Variants in EDA observed in about 807,000 individuals in gnomAD.
The protein encoded by EDA is ectodysplasin-A.
Under a neutral mutation model 23.6 loss-of-function variants are expected in EDA, and 2 were observed. That is an observed-to-expected ratio of 0.08 (90% confidence interval 0.03 to 0.27). The LOEUF is 0.27. Ranked by LOEUF, EDA falls within the 10% of genes least tolerant of loss-of-function variation. The pLI is 1.00. For missense variants in EDA, 229 were observed against 324.2 expected (o/e 0.71, Z 2.26); for synonymous variants, 131 against 132.0 (o/e 0.99, Z 0.05).
chrX:69,981,744 G>C (rs2019411129), intron 2 of EDA, among the ~76,000 whole-genome samples: 1 of 112,174 alleles, frequency 8.9e-6, no homozygotes, highest in Non-Finnish European at 1.9e-5. Flanking sequence ...ATCCTGTGAA[G>C]TTAGTATTAT....
intron 2 of EDA, among the ~76,000 whole-genome samples, chrX:69,957,807 A>G (rs1244490876): frequency 8.9e-6 from 1 of 111,909 alleles, no homozygotes. Flanking sequence ...ACAGTGTTGT[A>G]CCCTGCTAGC....
intron 1 of EDA, among the ~76,000 whole-genome samples, chrX:69,778,842 C>T (rs2014860327): frequency 9.0e-6 from 1 of 111,251 alleles, no homozygotes; most frequent in Non-Finnish European, 1.9e-5. Flanking sequence ...TCTGGCACAA[C>T]CACTACCTTC....
At chrX:69,689,587 G>A (rs1325075884) in intron 1 of EDA, among the ~76,000 whole-genome samples, 5 of 110,395 alleles carry the variant, frequency 4.5e-5, no homozygotes, top group African/African-American at 1.3e-4. Flanking sequence ...CACCCACCTC[G>A]GCCTCCCAAA....
intron 1 of EDA, among the ~76,000 whole-genome samples, chrX:69,887,010 G>A (rs1361208383): frequency 4.5e-5 from 5 of 110,690 alleles, no homozygotes; most frequent in Non-Finnish European, 9.5e-5. Flanking sequence ...AATTACTGAC[G>A]GCAAGAAATG....
At chrX:69,946,080 C>G (rs2018829630) in intron 1 of EDA, among the ~76,000 whole-genome samples, 1 of 111,548 alleles carries the variant, frequency 9.0e-6, no homozygotes, top group Admixed American at 9.5e-5. Context: ...CTTGCCAGTC[C>G]TTTTATGCCC....
intron 1 of EDA, among the ~76,000 whole-genome samples, chrX:69,827,661 T>C (rs920813325): frequency 4.5e-5 from 5 of 111,983 alleles, no homozygotes; most frequent in Non-Finnish European, 9.4e-5. Flanking sequence ...TCCCGTAGCT[T>C]GGAGTAATTT....
At chrX:69,998,242 T>G (rs758377189) in intron 2 of EDA, among the ~76,000 whole-genome samples, 23 of 112,552 alleles carry the variant, frequency 2.0e-4, no homozygotes, top group African/African-American at 7.1e-4. Context: ...GGGAACCCAC[T>G]TCTTGCATCA....
chrX:69,711,760 G>T (rs1182916682), intron 1 of EDA, among the ~76,000 whole-genome samples: 1 of 111,687 alleles, frequency 9.0e-6, no homozygotes, highest in African/African-American at 3.3e-5. Flanking sequence ...ATTTCTTCTA[G>T]ATTTTCTAGT....
intron 1 of EDA, among the ~76,000 whole-genome samples, chrX:69,808,443 G>A (rs1039118304): frequency 9.0e-6 from 1 of 111,414 alleles, no homozygotes; most frequent in African/African-American, 3.3e-5. Context: ...ACTTTTTGTT[G>A]AAGATTAATT....
At chrX:70,016,138 C>T (rs1195080535) in intron 2 of EDA, among the ~76,000 whole-genome samples, 1 of 111,293 alleles carries the variant, frequency 9.0e-6, no homozygotes, top group Non-Finnish European at 1.9e-5. Context: ...CAAAGAAGGG[C>T]ATTACATAAT....
chrX:69,747,097 G>A (rs181269518), intron 1 of EDA, among the ~76,000 whole-genome samples: 7 of 111,680 alleles, frequency 6.3e-5, no homozygotes, highest in Admixed American at 4.8e-4. Flanking sequence ...TACTGGGAGA[G>A]GCAGGCAACA....
At chrX:69,856,356 T>G (rs2017253491) in intron 1 of EDA, among the ~76,000 whole-genome samples, 1 of 107,485 alleles carries the variant, frequency 9.3e-6, no homozygotes. Context: ...ATATAATGTC[T>G]TATTTTCCTC....
intron 1 of EDA, among the ~76,000 whole-genome samples, chrX:69,824,251 T>C (rs1327671936): frequency 9.0e-6 from 1 of 110,898 alleles, no homozygotes; most frequent in Non-Finnish European, 1.9e-5. Flanking sequence ...ATTGGTAGCT[T>C]GATGGGGATT....
chrX:69,643,595 G>A (rs887116518), intron 1 of EDA, among the ~76,000 whole-genome samples: 27 of 111,615 alleles, frequency 2.4e-4, no homozygotes, highest in Admixed American at 9.5e-4. Flanking sequence ...TTGCCATGCC[G>A]AAGCTCTTCA....
At chrX:70,017,063 G>A (rs2019960911) in intron 2 of EDA, among the ~76,000 whole-genome samples, 1 of 110,370 alleles carries the variant, frequency 9.1e-6, no homozygotes, top group Non-Finnish European at 1.9e-5. Flanking sequence ...AAAAAAATCA[G>A]AGACTATCAA....
At chrX:69,824,396 C>G (rs2016343699) in intron 1 of EDA, among the ~76,000 whole-genome samples, 1 of 109,232 alleles carries the variant, frequency 9.2e-6, no homozygotes, top group Admixed American at 9.8e-5. Context: ...TGTAGTTCTC[C>G]TTGAAGAGGT....
chrX:69,616,872 C>A, intron 1 of EDA, 168 bp downstream of exon 1: 1 of 656,731 alleles, frequency 1.5e-6, no homozygotes, highest in Non-Finnish European at 2.3e-6. Context: ...AGGTTGTCTT[C>A]GGTCCCTGGC....
At chrX:69,895,658 A>T (rs1289700516) in intron 1 of EDA, among the ~76,000 whole-genome samples, 1 of 111,837 alleles carries the variant, frequency 8.9e-6, no homozygotes, top group Non-Finnish European at 1.9e-5. Flanking sequence ...ATTTCTCTTC[A>T]TTGTGCTCTA....
In EDA at chrX:70,037,746, C is replaced by G. The variant is rs1286458570; in HGVS notation, c.*2137C>G. On this transcript the variant is annotated 3_prime_UTR_variant, in exon 8 of 8. Coordinates refer to ENST00000374552, the MANE Select transcript of EDA (RefSeq NM_001399.5). ...CCCAGAGATGCCTGATTTCATTCCT[C>G]GATGGTAATACCCGTCCTCTCGGCT... is the stretch of plus-strand genomic sequence containing the variant. 3.6e-5 allele frequency: 4 copies of G among 111,781 alleles called. No homozygotes were observed. Among genetic ancestry groups the G allele is most frequent in the Non-Finnish European group, 7.5e-5 (4 of 53,147 alleles). The allele number at this position is 111,781 out of a possible 1,213,427, so 9.2% of individuals were successfully genotyped here.
Sources: allele counts gnomAD v4.1 joint callset (sites outside exome capture counted in the v4.1 genomes callset), GRCh38; gene constraint gnomAD v4.1.1; transcripts MANE v1.5; gene names NCBI Gene and HGNC (gene_info 2026-07-23, HGNC 2026-07-21).